The following PCSK4 variants were observed in gnomAD, a reference collection of about 807,000 sequenced individuals.
PCSK4 encodes the protein proprotein convertase subtilisin/kexin type 4, also known as testicular tissue protein Li 135.
PCSK4 carries 64 observed loss-of-function variants against 80.3 expected under a neutral mutation model. The ratio of observed to expected loss-of-function variants is 0.80; its 90% confidence interval spans 0.65 to 0.98. PCSK4 has a LOEUF of 0.98. PCSK4 is among the 50% of genes least tolerant of loss of function. The pLI, the probability that PCSK4 is intolerant of heterozygous loss-of-function variation, is 0.00. For missense variants in PCSK4, 1,213 were observed against 1,093.6 expected (o/e 1.11, Z -1.54); for synonymous variants, 561 against 487.6 (o/e 1.15, Z -1.98).
Position 1,486,952 on chromosome 19 carries a change from GC to G in PCSK4, c.968del (p.Gly323AlafsTer60). On this transcript the variant is annotated frameshift_variant, in exon 8 of 15. Coordinates refer to ENST00000300954, the Ensembl canonical transcript of PCSK4. LOFTEE classifies it high-confidence loss of function. The stretch of plus-strand genomic sequence containing the variant: ...GCACGCGGCCCTGCTGGGTGGTGCT[GC>G]CCACGGAAAGCGTGTGGATGCTGTT... 1 of 1,607,846 alleles carries G rather than the reference GC, an allele frequency of 6.2e-7. No homozygotes were observed.
Position 1,489,778 on chromosome 19 carries a change from C to A in PCSK4, c.294+15G>T. 1 of 1,602,192 alleles carries A rather than the reference C, an allele frequency of 6.2e-7. No individual in the cohort carries two copies. The highest frequency in any genetic ancestry group is 8.5e-7 in the Non-Finnish European group (1 of 1,174,192). On this transcript the variant is annotated intron_variant, in intron 2 of 14. Coordinates refer to ENST00000300954, the Ensembl canonical transcript of PCSK4. ...GAGACCCCGGGCAGGGGGTTGGCCT[C>A]CAGGCCAGGCTCACCTTGGGGTTTT...
At chr19:1,487,294 A>G in exon 7 of PCSK4, 1 of 1,596,102 alleles carries the variant, frequency 6.3e-7, no homozygotes, top group South Asian at 1.1e-5. Context: ...CGGTGATGGT[A>G]CCGTCCAGCA....
rs1343417393 is a variant in PCSK4 at position 1,487,949 on chromosome 19, C to T, written c.516+15G>A. 3.7e-6 allele frequency: 6 copies of T among 1,601,662 alleles called. No individual in the cohort carries two copies. The highest frequency in any genetic ancestry group is 5.1e-6 in the Non-Finnish European group (6 of 1,171,588). On this transcript the variant is annotated intron_variant, in intron 4 of 14. Transcript: ENST00000300954. ...ACCTGGGGCAGCCCTCGCCCACAGCCACCCGCGGTCTCACGTAGTTGGCCC... is the reference window on the plus strand; with the variant it reads ...ACCTGGGGCAGCCCTCGCCCACAGCTACCCGCGGTCTCACGTAGTTGGCCC...
intron 8 of PCSK4, among the ~76,000 whole-genome samples, chr19:1,486,224 A>T (rs184557265): frequency 7.3e-5 from 11 of 151,294 alleles, no homozygotes; most frequent in African/African-American, 2.7e-4. Flanking sequence ...TGATCCACCC[A>T]CCTTGGTCTC....
At position 1,482,821 on chromosome 19, in the gene PCSK4, A is replaced by G. The variant is rs2084372098; in HGVS notation, c.1696+75T>C. The stretch of plus-strand genomic sequence containing the variant: ...GAACCCCTTTTGCAGTGCGGTCACC[A>G]AGGCTAGCTCCAGAGCCCCTGGGGG... On this transcript the variant is annotated intron_variant, in intron 13 of 14. Coordinates refer to ENST00000300954, the Ensembl canonical transcript of PCSK4. 5 of 1,536,544 alleles carry G rather than the reference A, an allele frequency of 3.3e-6. No individual in the cohort carries two copies. The South Asian group carries it at 5.6e-5, about 17-fold the overall frequency.
intron 2 of PCSK4, 173 bp downstream of exon 2, chr19:1,489,620 G>A (rs1875494632): frequency 3.3e-6 from 4 of 1,207,118 alleles, no homozygotes; most frequent in Admixed American, 5.7e-5. Context: ...CATGATTTCC[G>A]TATCTGGGTC....
In PCSK4 at chr19:1,483,639, A is replaced by T; in HGVS notation, c.1391+11T>A. The T allele has an allele frequency of 1.3e-6, 2 of 1,568,976 alleles. No individual in the cohort carries two copies. The highest frequency in any genetic ancestry group is 1.7e-6 in the Non-Finnish European group (2 of 1,159,986). On this transcript the variant is annotated intron_variant, in intron 11 of 14. Transcript: ENST00000300954. ...CAGCGGGGATAGCGGAGGGGCGCGC[A>T]GGGGTCTCACGTGGGGCGGCTCTGG...
intron 1 of PCSK4, 38 bp from the exon 2 acceptor site, chr19:1,489,935 G>C: frequency 6.4e-7 from 1 of 1,570,126 alleles, no homozygotes; most frequent in Non-Finnish European, 8.6e-7. Flanking sequence ...GATGGGACCC[G>C]GCTCCCCTGC....
In PCSK4 at chr19:1,483,384, G is replaced by A. The variant is rs779955096; in HGVS notation, c.1471C>T (p.His491Tyr). Reference sequence around the variant, plus strand: ...GACAGCGTCAGCTGCGCCTGCACGTGCTCCAGCGAGCGGATGGAGTTGTGG... The same window carrying A: ...GACAGCGTCAGCTGCGCCTGCACGTACTCCAGCGAGCGGATGGAGTTGTGG... The change falls in exon 12 of 15, where the codon CAC becomes TAC. Residue 491 changes from histidine (H) to tyrosine (Y), a missense_variant. Physicochemically the swap from His to Tyr is moderately conservative, Grantham distance 83. Transcript: ENST00000300954. 6 of 1,606,036 alleles carry A rather than the reference G, an allele frequency of 3.7e-6. No homozygotes were observed. Among genetic ancestry groups the A allele is most frequent in the Non-Finnish European group, 5.1e-6 (6 of 1,179,440 alleles).
Position 1,483,031 on chromosome 19 carries a change from AGGGT to A in PCSK4, c.1572-15_1572-12del. 3 of 421,764 alleles carry A rather than the reference AGGGT, an allele frequency of 7.1e-6. No individual in the cohort carries two copies. Among genetic ancestry groups the A allele is most frequent in the Non-Finnish European group, 1.4e-5 (3 of 208,078 alleles). 26.1% of individuals were successfully genotyped at this position (421,764 alleles called of 1,614,324 possible). Reference sequence around the variant, plus strand: ...CTGACGTCCAAGGGTCTGGGACAGAAGGGTGGGTGGGGGTGGGGGTGTCAAGAGG... The same window carrying A: ...CTGACGTCCAAGGGTCTGGGACAGAAGGGTGGGGGTGGGGGTGTCAAGAGG... On this transcript the variant is annotated splice_polypyrimidine_tract_variant and intron_variant, in intron 12 of 14. Coordinates refer to ENST00000300954, the Ensembl canonical transcript of PCSK4.
chr19:1,486,436 A>G (rs1185828528), intron 8 of PCSK4, among the ~76,000 whole-genome samples: 1 of 152,020 alleles, frequency 6.6e-6, no homozygotes, highest in Non-Finnish European at 1.5e-5. Context: ...AGCTGGGACT[A>G]CAGGCGCCCA....
chr19:1,482,247 A>AC (rs1173471709), intron 14 of PCSK4, 40 bp from the exon 15 acceptor site: 5 of 1,523,280 alleles, frequency 3.3e-6, no homozygotes, highest in Non-Finnish European at 3.5e-6. Context: ...TCAGCTTGCC[A>AC]CCCGCAGCCT....
intron 6 of PCSK4, 130 bp from the exon 7 acceptor site, chr19:1,487,443 A>G: frequency 4.1e-6 from 4 of 980,068 alleles, no homozygotes; most frequent in Non-Finnish European, 1.5e-6. Context: ...GAGTGGGACC[A>G]TTCGTATTGG....
intron 8 of PCSK4, among the ~76,000 whole-genome samples, chr19:1,486,150 T>C (rs193003770): frequency 5.8e-4 from 87 of 150,002 alleles, no homozygotes; most frequent in African/African-American, 1.9e-3. Flanking sequence ...TTTTTTTTTG[T>C]ATTTTTAGTA....
At chr19:1,482,137 G>T in exon 15 of PCSK4, 1 of 1,558,350 alleles carries the variant, frequency 6.4e-7, no homozygotes. Flanking sequence ...CCAGCCTTGT[G>T]TGGTTGAAGA....
intron 12 of PCSK4, 24 bp from the exon 13 acceptor site, chr19:1,483,044 G>A: frequency 6.7e-7 from 1 of 1,494,064 alleles, no homozygotes; most frequent in Non-Finnish European, 9.0e-7. Context: ...GTGGGTGGGG[G>A]TGGGGGTGTC....
chr19:1,489,749 A>G, intron 2 of PCSK4, 44 bp downstream of exon 2: 1 of 1,570,502 alleles, frequency 6.4e-7, no homozygotes, highest in South Asian at 1.2e-5. Flanking sequence ...CCCAGGAGGC[A>G]GCTGAGACCC....
rs181412763 is a variant in PCSK4 at position 1,487,573 on chromosome 19, G to A, written c.682+30C>T. ...AGTCACCCCCTTCCCTCTCTGTCCC[G>A]GAATGGTGCCGCTGGGGGACCCCGG... On this transcript the variant is annotated intron_variant, in intron 6 of 14. Transcript: ENST00000300954. The A allele has an allele frequency of 3.6e-4, 548 of 1,526,924 alleles. 2 individuals are homozygous for A. Among genetic ancestry groups the A allele is most frequent in the South Asian group, 2.2e-3 (187 of 83,614 alleles). 94.6% of individuals were successfully genotyped at this position (1,526,924 alleles called of 1,614,324 possible). A position where few individuals can be genotyped will look rare whatever the true frequency, so the allele number is the denominator to read the frequency against.
chr19:1,483,793 G>A (rs1162031319), intron 10 of PCSK4, 26 bp from the exon 11 acceptor site: 5 of 1,522,510 alleles, frequency 3.3e-6, no homozygotes, highest in East Asian at 5.0e-5. Context: ...GCAGTCACTC[G>A]CCCCGTGGGC....
Sources: gnomAD v4.1 joint callset for allele counts (sites outside exome capture counted in the v4.1 genomes callset) on GRCh38, gnomAD v4.1.1 for gene constraint, MANE v1.5 for transcripts, NCBI Gene and HGNC (gene_info 2026-07-23, HGNC 2026-07-21) for gene names.